The following STX8 variants were observed in gnomAD, a reference collection of about 807,000 sequenced individuals.
STX8 encodes syntaxin-8.
STX8 carries 23 observed loss-of-function variants against 37.5 expected under a neutral mutation model. The ratio of observed to expected loss-of-function variants is 0.61; its 90% CI spans 0.44 to 0.87. The LOEUF (loss-of-function observed/expected upper bound fraction) is 0.87. Among genes scored for constraint, STX8 ranks in the 40% least tolerant of loss-of-function variants. STX8 has a pLI of 0.00. For synonymous variants in STX8, 115 were observed against 99.1 expected, an observed-to-expected ratio of 1.16 and a Z score of -0.95; for missense variants, 313 against 284.7, an observed-to-expected ratio of 1.10 and a Z score of -0.71.
At chr17:9,401,542 T>C (rs2142319435) in intron 6 of STX8, among the ~76,000 whole-genome samples, 1 of 152,292 alleles carries the variant, frequency 6.6e-6, no homozygotes, top group East Asian at 1.9e-4. Flanking sequence ...CACTAATAAG[T>C]GCTAGGGCAG....
chr17:9,496,527 T>A (rs1486824554), intron 5 of STX8, among the ~76,000 whole-genome samples: 1 of 152,256 alleles, frequency 6.6e-6, no homozygotes, highest in Non-Finnish European at 1.5e-5. Flanking sequence ...TTACAATGAT[T>A]TGAATTTTTA....
chr17:9,455,415 G>A (rs1175006679), intron 6 of STX8, among the ~76,000 whole-genome samples: 2 of 151,136 alleles, frequency 1.3e-5, no homozygotes, highest in Admixed American at 6.6e-5. Context: ...CAGGAAAATC[G>A]CTTGAACCCA....
intron 6 of STX8, among the ~76,000 whole-genome samples, chr17:9,426,061 C>T (rs1597663722): frequency 1.0e-5 from 1 of 97,624 alleles, no homozygotes. Context: ...CCTAGACAAT[C>T]TGTCTTTAAT....
intron 6 of STX8, among the ~76,000 whole-genome samples, chr17:9,434,378 C>A (rs760290149): frequency 6.6e-6 from 1 of 152,168 alleles, no homozygotes; most frequent in Non-Finnish European, 1.5e-5. Flanking sequence ...AGCATGAAAA[C>A]AACACAATCA....
chr17:9,545,799 T>C (rs977565024), intron 3 of STX8, among the ~76,000 whole-genome samples: 1 of 152,222 alleles, frequency 6.6e-6, no homozygotes, highest in Non-Finnish European at 1.5e-5. Flanking sequence ...CAGGCTGGTC[T>C]CGAACTCATG....
Position 9,324,765 on chromosome 17 carries a change from C to CAA in STX8, c.643+53785_643+53786dup, listed in dbSNP as rs534392223. Among the ~76,000 whole-genome samples the CAA allele has an allele frequency of 6.6e-3, 296 of 44,658 alleles. 3 individuals carry two copies. Among genetic ancestry groups the CAA allele is most frequent in the African/African-American group, 0.011 (151 of 13,314 alleles). 29.3% of individuals were successfully genotyped at this position (44,658 alleles called of 152,430 possible). A position where few individuals can be genotyped will look rare whatever the true frequency, so the allele number is the denominator to read the frequency against. ...GGGTGACAAGAGCAAAACTCCATCTCAAAAAAAAAAAAAAAAAAAAAAGAG... is the reference window on the plus strand; with the variant it reads ...GGGTGACAAGAGCAAAACTCCATCTCAAAAAAAAAAAAAAAAAAAAAAAAGAG... On this transcript the variant is annotated intron_variant, in intron 7 of 7. Coordinates refer to ENST00000306357, the MANE Select transcript of STX8 (RefSeq NM_004853.3).
intron 5 of STX8, among the ~76,000 whole-genome samples, chr17:9,497,177 T>C (rs903798225): frequency 1.8e-4 from 27 of 150,562 alleles, no homozygotes; most frequent in Non-Finnish European, 1.5e-5. Flanking sequence ...AAAGGAAGAG[T>C]TGGAAAAAGA....
At chr17:9,339,734 A>G (rs1910274216) in intron 7 of STX8, among the ~76,000 whole-genome samples, 1 of 152,134 alleles carries the variant, frequency 6.6e-6, no homozygotes, top group Non-Finnish European at 1.5e-5. Flanking sequence ...CTTTTTCTTT[A>G]TGAGACAGGA....
At chr17:9,390,347 C>G (rs746429140) in intron 6 of STX8, among the ~76,000 whole-genome samples, 7 of 151,556 alleles carry the variant, frequency 4.6e-5, no homozygotes, top group Non-Finnish European at 8.8e-5. Context: ...TCTGATGAAA[C>G]CCCGTCTCTA....
intron 6 of STX8, among the ~76,000 whole-genome samples, chr17:9,474,969 A>G (rs1471779895): frequency 6.6e-6 from 1 of 152,140 alleles, no homozygotes; most frequent in South Asian, 2.1e-4. Flanking sequence ...AAGACTCTGT[A>G]GCAAAAAACA....
At chr17:9,373,938 TAA>T (rs76173982) in intron 7 of STX8, among the ~76,000 whole-genome samples, 22 of 105,268 alleles carry the variant, frequency 2.1e-4, no homozygotes, top group Admixed American at 3.2e-4. Context: ...GAACTCTATC[TAA>T]AAAAAAAAAA....
intron 6 of STX8, among the ~76,000 whole-genome samples, chr17:9,436,604 C>A (rs16958277): frequency 0.057 from 8,648 of 152,160 alleles, 686 homozygotes; most frequent in African/African-American, 0.18. Flanking sequence ...TTCAGGATAA[C>A]AATTACGACC....
intron 6 of STX8, among the ~76,000 whole-genome samples, chr17:9,486,241 A>G (rs1035977586): frequency 2.6e-5 from 4 of 152,236 alleles, no homozygotes; most frequent in Admixed American, 2.0e-4. Context: ...TCCTTGAGGA[A>G]ACAGCAGATT....
intron 6 of STX8, among the ~76,000 whole-genome samples, chr17:9,399,959 A>G (rs1912544903): frequency 6.6e-6 from 1 of 152,082 alleles, no homozygotes; most frequent in African/African-American, 2.4e-5. Context: ...ATATTTAATG[A>G]ATAGTTACTA....
chr17:9,301,817 G>A (rs915753047), intron 7 of STX8, among the ~76,000 whole-genome samples: 1 of 152,104 alleles, frequency 6.6e-6, no homozygotes, highest in African/African-American at 2.4e-5. Flanking sequence ...TAGAAAACTA[G>A]ATTTATTTTG....
chr17:9,300,331 C>CAAAAAAAAAAAAAAAA (rs3060137), intron 7 of STX8, among the ~76,000 whole-genome samples: 3 of 69,236 alleles, frequency 4.3e-5, no homozygotes, highest in African/African-American at 5.7e-5. Flanking sequence ...AACTCCATCT[C>CAAAAAAAAAAAAAAAA]AAAAAAAAAA....
chr17:9,340,923 C>A (rs1028828665), intron 7 of STX8, among the ~76,000 whole-genome samples: 1 of 149,534 alleles, frequency 6.7e-6, no homozygotes, highest in Non-Finnish European at 1.5e-5. Flanking sequence ...TCTCAAAGTG[C>A]TGGGATTACA....
chr17:9,300,345 A>G (rs1020919984), intron 7 of STX8, among the ~76,000 whole-genome samples: 11 of 142,306 alleles, frequency 7.7e-5, no homozygotes, highest in African/African-American at 2.6e-4. Context: ...AAAAAAAAAA[A>G]AAAGAAAGAA....
intron 6 of STX8, among the ~76,000 whole-genome samples, chr17:9,409,309 A>T (rs953532116): frequency 1.9e-4 from 29 of 152,142 alleles, no homozygotes; most frequent in African/African-American, 7.0e-4. Context: ...TCTAGATAGT[A>T]ACAGAATCAT....
Sources: allele counts gnomAD v4.1 joint callset (sites outside exome capture counted in the v4.1 genomes callset), GRCh38; gene constraint gnomAD v4.1.1; transcripts MANE v1.5; gene names NCBI Gene and HGNC (gene_info 2026-07-23, HGNC 2026-07-21).